The following SOBP variants were observed in gnomAD, a reference collection of about 807,000 sequenced individuals.
The protein encoded by SOBP is sine oculis-binding protein homolog.
Under a neutral mutation model 53.6 loss-of-function variants are expected in SOBP, and 4 were observed. The ratio of observed to expected loss-of-function variants is 0.07; its 90% confidence interval spans 0.04 to 0.17. SOBP has a LOEUF of 0.17. SOBP is among the 10% of genes least tolerant of loss of function. SOBP has a pLI of 1.00. For missense variants in SOBP, 1,088 were observed against 1,204.7 expected (o/e 0.90, Z 1.43); for synonymous variants, 584 against 522.6 (o/e 1.12, Z -1.60).
At chr6:107,534,622 G>A (rs1215283378) in intron 4 of SOBP, among the ~76,000 whole-genome samples, 2 of 152,188 alleles carry the variant, frequency 1.3e-5, no homozygotes, top group African/African-American at 4.8e-5. Context: ...CACTGTTGCA[G>A]CAAATTATCT....
rs996114603 is a variant in SOBP at position 107,590,633 on chromosome 6, T to G, written c.669+3458T>G. Reference sequence around the variant, plus strand: ...GAGGGAAAGGGAGGGAGCTCACAGCTGGAAGGTGAAATAAAAATAGCATCA... The same window carrying G: ...GAGGGAAAGGGAGGGAGCTCACAGCGGGAAGGTGAAATAAAAATAGCATCA... On this transcript the variant is annotated intron_variant, in intron 5 of 6. Transcript: ENST00000317357. Among the ~76,000 whole-genome samples the G allele has an allele frequency of 3.3e-5, 5 of 152,172 alleles. No individual in the cohort carries two copies. The South Asian group carries it at 1.0e-3, about 31-fold the overall frequency.
At chr6:107,621,111 T>C in intron 5 of SOBP, 3 of 840,704 alleles carry the variant, frequency 3.6e-6, no homozygotes, top group Non-Finnish European at 4.3e-6. Context: ...GTGAGTGATA[T>C]TATGATAGTA....
intron 1 of SOBP, among the ~76,000 whole-genome samples, chr6:107,499,054 G>C (rs956447141): frequency 5.3e-5 from 8 of 152,174 alleles, no homozygotes; most frequent in African/African-American, 1.9e-4. Flanking sequence ...CTTAACGTAA[G>C]TAGATATGCC....
At position 107,635,130 on chromosome 6, in the gene SOBP, A is replaced by G. The variant is rs551299684; in HGVS notation, c.2286A>G (p.Glu762=). 18 of 1,612,714 alleles carry G rather than the reference A, an allele frequency of 1.1e-5. No individual in the cohort carries two copies. The African/African-American group carries it at 2.0e-4, about 18-fold the overall frequency. ...CCAAGAAGCTGCTGTCGCCTGAGGAACCGGCGGTGAGCGAGCTAGAGTCGG... is the reference window on the plus strand; with the variant it reads ...CCAAGAAGCTGCTGTCGCCTGAGGAGCCGGCGGTGAGCGAGCTAGAGTCGG... ...APPKKLLSPE[E]PAVSELESVK... Residue 762 remains glutamate, a synonymous_variant, in exon 6 of 7, where the codon GAA becomes GAG. Coordinates refer to ENST00000317357, the MANE Select transcript of SOBP (RefSeq NM_018013.4). The surrounding 1 kb of genome is among the most constrained non-coding windows in gnomAD (Gnocchi z 4.5).
chr6:107,553,811 G>A (rs1327389705), intron 4 of SOBP, among the ~76,000 whole-genome samples: 1 of 152,000 alleles, frequency 6.6e-6, no homozygotes, highest in Admixed American at 6.6e-5. Context: ...TAGTAGAGAC[G>A]AGGTTTTGCT....
At chr6:107,530,932 A>G (rs554303245) in intron 3 of SOBP, among the ~76,000 whole-genome samples, 85 of 152,234 alleles carry the variant, frequency 5.6e-4, no homozygotes, top group Non-Finnish European at 9.8e-4. Flanking sequence ...TTTGTAAGAA[A>G]GTATTCTTGC....
chr6:107,634,304 G>A lies in SOBP; in HGVS notation c.1460G>A (p.Ser487Asn). ...PPPPPGAPLPSLPFPPVSMMP... is the reference protein window; with the variant it reads ...PPPPPGAPLPNLPFPPVSMMP... ...CCGCCTCCGGGCGCCCCGCTGCCGAGTCTTCCCTTCCCGCCAGTGAGCATG... is the reference window on the plus strand; with the variant it reads ...CCGCCTCCGGGCGCCCCGCTGCCGAATCTTCCCTTCCCGCCAGTGAGCATG... The change falls in exon 6 of 7, where the codon AGT becomes AAT. Residue 487 changes from serine to asparagine, a missense_variant. By Grantham distance (46) the Ser-to-Asn change is conservative. Coordinates refer to ENST00000317357, the MANE Select transcript of SOBP (RefSeq NM_018013.4). The surrounding 1 kb of genome is among the most constrained non-coding windows in gnomAD (Gnocchi z 4.5). The A allele has an allele frequency of 6.4e-7, 1 of 1,570,314 alleles. No homozygotes were observed. The highest frequency in any genetic ancestry group is 8.6e-7 in the Non-Finnish European group (1 of 1,164,898).
At chr6:107,547,577 G>T (rs1784336568) in intron 4 of SOBP, among the ~76,000 whole-genome samples, 1 of 152,088 alleles carries the variant, frequency 6.6e-6, no homozygotes, top group African/African-American at 2.4e-5. Flanking sequence ...AGCCTGAAAA[G>T]GTATATTGTT....
Position 107,634,209 on chromosome 6 carries a change from G to A in SOBP, c.1365G>A (p.Met455Ile), listed in dbSNP as rs1287005634. The A allele has an allele frequency of 1.9e-6, 3 of 1,601,042 alleles. No individual in the cohort carries two copies. The highest frequency in any genetic ancestry group is 2.2e-5 in the East Asian group (1 of 44,808). The change falls in exon 6 of 7, where the codon ATG (methionine) becomes ATA (isoleucine). Residue 455 changes from methionine to isoleucine, a missense_variant. Met to Ile is a conservative substitution (Grantham distance 10, BLOSUM62 1). Coordinates refer to ENST00000317357, the MANE Select transcript of SOBP (RefSeq NM_018013.4). The surrounding 1 kb of genome is among the most constrained non-coding windows in gnomAD (Gnocchi z 4.5). ...GPTSSPMHRP[M>I]LSPHIHPPST... ...CTTCCAGCCCCATGCACCGGCCCAT[G>A]CTATCGCCCCACATCCACCCCCCGA... is the stretch of plus-strand genomic sequence containing the variant.
At chr6:107,521,325 A>G (rs1783478248) in intron 3 of SOBP, among the ~76,000 whole-genome samples, 1 of 152,106 alleles carries the variant, frequency 6.6e-6, no homozygotes, top group Non-Finnish European at 1.5e-5. Flanking sequence ...TCACTTGGTA[A>G]TAATTCCTTA....
At chr6:107,560,424 C>T (rs894150478) in intron 4 of SOBP, among the ~76,000 whole-genome samples, 8 of 152,210 alleles carry the variant, frequency 5.3e-5, no homozygotes, top group African/African-American at 1.9e-4. Context: ...CACCTTTGTC[C>T]ACCCAATGAC....
At chr6:107,555,403 C>A (rs1038534452) in intron 4 of SOBP, among the ~76,000 whole-genome samples, 1 of 152,180 alleles carries the variant, frequency 6.6e-6, no homozygotes, top group African/African-American at 2.4e-5. Context: ...CAAATCCTTG[C>A]CAAATCTGAG....
chr6:107,546,487 C>CATCCAGCCTCTCTCAAGGGT (rs1784303636), intron 4 of SOBP, among the ~76,000 whole-genome samples: 1 of 152,138 alleles, frequency 6.6e-6, no homozygotes, highest in Admixed American at 6.5e-5. Context: ...GGTGCAAGGG[C>CATCCAGCCTCTCTCAAGGGT]ATCCAGCCTC....
chr6:107,572,354 G>T (rs1449799231), intron 4 of SOBP, among the ~76,000 whole-genome samples: 1 of 150,792 alleles, frequency 6.6e-6, no homozygotes, highest in South Asian at 2.1e-4. Flanking sequence ...CCCAGGCTGG[G>T]GTGCAGTGGT....
chr6:107,636,089 G>C, intron 6 of SOBP: 1 of 168,736 alleles, frequency 5.9e-6, no homozygotes, highest in South Asian at 1.4e-4. Flanking sequence ...TGTCTTTCCT[G>C]TTCATGGGGT....
intron 4 of SOBP, among the ~76,000 whole-genome samples, chr6:107,585,971 A>G (rs1785552776): frequency 6.6e-6 from 1 of 152,150 alleles, no homozygotes; most frequent in Non-Finnish European, 1.5e-5. Flanking sequence ...CTCAATCCAT[A>G]CATAACAACA....
intron 5 of SOBP, among the ~76,000 whole-genome samples, chr6:107,610,209 C>G (rs1000583341): frequency 3.3e-5 from 5 of 152,188 alleles, no homozygotes; most frequent in African/African-American, 1.2e-4. Context: ...GGATTCTTCC[C>G]TTTCCACAGT....
At chr6:107,589,674 T>A (rs1785681657) in intron 5 of SOBP, among the ~76,000 whole-genome samples, 1 of 152,208 alleles carries the variant, frequency 6.6e-6, no homozygotes, top group Non-Finnish European at 1.5e-5. Flanking sequence ...GTGGCCAAGA[T>A]CCTTTAGTTG....
intron 5 of SOBP, among the ~76,000 whole-genome samples, chr6:107,608,929 A>T (rs2115097749): frequency 6.6e-6 from 1 of 152,324 alleles, no homozygotes; most frequent in South Asian, 2.1e-4. Flanking sequence ...TGACACAGAA[A>T]CAAGAGACTT....
Sources: gnomAD v4.1 joint callset for allele counts (sites outside exome capture counted in the v4.1 genomes callset) on GRCh38, gnomAD v4.1.1 for gene constraint, Gnocchi (gnomAD v3.1) non-coding constraint, MANE v1.5 for transcripts, NCBI Gene and HGNC (gene_info 2026-07-23, HGNC 2026-07-21) for gene names.